The following GAA variants were observed in gnomAD, a reference collection of about 807,000 sequenced individuals.
The protein encoded by GAA is lysosomal alpha-glucosidase.
Under a neutral mutation model 103.9 loss-of-function variants are expected in GAA, and 88 were observed. The ratio of observed to expected loss-of-function variants is 0.85; its 90% CI spans 0.71 to 1.01. The LOEUF (loss-of-function observed/expected upper bound fraction) is 1.01. Ranked by LOEUF, GAA falls within the 50% of genes least tolerant of loss-of-function variation. The pLI, the probability that GAA is intolerant of heterozygous loss-of-function variation, is 0.00. For missense variants in GAA, 1,350 were observed against 1,305.3 expected (o/e 1.03, Z -0.53); for synonymous variants, 572 against 563.1 (o/e 1.02, Z -0.22).
rs548314048 is a variant in GAA at position 80,119,665 on chromosome 17, G to A, written c.*334G>A. 1.0e-4 allele frequency: 38 copies of A among 365,858 alleles called. No homozygotes were observed. Among genetic ancestry groups the A allele is most frequent in the East Asian group, 4.0e-4 (6 of 14,858 alleles). The allele number at this position is 365,858 out of a possible 1,614,324, so 22.7% of individuals were successfully genotyped here. On this transcript the variant is annotated 3_prime_UTR_variant, in exon 20 of 20. Transcript: ENST00000302262. ...CCCCCCTCCATCTGTTCCCAGCACC[G>A]GAGAAGGGGGTGCTCAGGTGGAGGT... is the stretch of plus-strand genomic sequence containing the variant.
chr17:80,108,327 G>T lies in GAA; in HGVS notation c.993G>T (p.Arg331Ser). ...VLQPSPALSW[R>S]STGGILDVYI... is the part of the protein sequence containing the mutation. ...AGCCGAGCCCTGCCCTTAGCTGGAG[G>T]TCGACAGGTGGGATCCTGGATGTCT... The change falls in exon 6 of 20, where the codon AGG (arginine) becomes AGT (serine). Residue 331 changes from arginine to serine, a missense_variant. Physicochemically the swap from Arg to Ser is moderately radical, Grantham distance 110. Transcript: ENST00000302262. 1 of 1,613,706 alleles carries T rather than the reference G, an allele frequency of 6.2e-7. No individual in the cohort carries two copies. The highest frequency in any genetic ancestry group is 8.5e-7 in the Non-Finnish European group (1 of 1,180,032).
intron 2 of GAA, 117 bp from the exon 3 acceptor site, chr17:80,105,632 C>G: frequency 8.1e-7 from 1 of 1,236,268 alleles, no homozygotes; most frequent in Non-Finnish European, 1.2e-6. Flanking sequence ...ATGTGCTGCC[C>G]ATGGTCCCAC....
intron 15 of GAA, among the ~76,000 whole-genome samples, chr17:80,116,103 T>G (rs529140124): frequency 3.3e-5 from 5 of 152,350 alleles, no homozygotes; most frequent in Admixed American, 1.3e-4. Flanking sequence ...TACTCCACCA[T>G]CTTCACTGAC....
Position 80,110,070 on chromosome 17 carries a change from CA to C in GAA, c.1437+16del, listed in dbSNP as rs2039196210. 6.2e-7 allele frequency: 1 copy of C among 1,603,756 alleles called. No homozygotes were observed. The highest frequency in any genetic ancestry group is 2.2e-5 in the East Asian group (1 of 44,824). On this transcript the variant is annotated intron_variant, in intron 9 of 19. Coordinates refer to ENST00000302262, the MANE Select transcript of GAA (RefSeq NM_000152.5). ...TGATTGGGAAGGTAGGGCGAGGGTC[CA>C]GGGGACGGGGGTTAGAAAGCAGAGG...
At position 80,111,012 on chromosome 17, in the gene GAA, AC is replaced by A. The variant is rs2039224932; in HGVS notation, c.1626del (p.Tyr543ThrfsTer35). 2.5e-6 allele frequency: 4 copies of A among 1,613,518 alleles called. No individual in the cohort carries two copies. Among genetic ancestry groups the A allele is most frequent in the Non-Finnish European group, 2.5e-6 (3 of 1,179,932 alleles). On this transcript the variant is annotated frameshift_variant, in exon 11 of 20. Coordinates refer to ENST00000302262, the MANE Select transcript of GAA (RefSeq NM_000152.5). LOFTEE classifies it high-confidence loss of function. Reference sequence around the variant, plus strand: ...GCCCCAACAATGAGCTGGAGAACCCACCCTACGTGCCTGGTCAGCTCGCCCC... The same window carrying A: ...GCCCCAACAATGAGCTGGAGAACCCACCTACGTGCCTGGTCAGCTCGCCCC... ...GCPNNELENP[P>X]YVPGVVGGTL...
chr17:80,103,490 A>T (rs755889151), intron 1 of GAA, among the ~76,000 whole-genome samples: 12 of 152,134 alleles, frequency 7.9e-5, no homozygotes, highest in Non-Finnish European at 1.5e-4. Flanking sequence ...ATCCATGCAT[A>T]TTGAATCGCA....
At position 80,110,744 on chromosome 17, in the gene GAA, T is replaced by C. The variant is rs774037839; in HGVS notation, c.1455T>C (p.Thr485=). The change falls in exon 10 of 20, where the codon ACT becomes ACC. Residue 485 remains threonine (T), a synonymous_variant. Transcript: ENST00000302262. ...PLIGKVWPGS[T]AFPDFTNPTA... ...TTGTCCAGGTATGGCCCGGGTCCAC[T>C]GCCTTCCCCGACTTCACCAACCCCA... 6.2e-7 allele frequency: 1 copy of C among 1,614,014 alleles called. No homozygotes were observed. The highest frequency in any genetic ancestry group is 8.5e-7 in the Non-Finnish European group (1 of 1,179,998).
chr17:80,105,213 G>T, intron 2 of GAA, 81 bp downstream of exon 2: 1 of 1,344,666 alleles, frequency 7.4e-7, no homozygotes. Context: ...CACAAGGGTG[G>T]GGTGCATGTT....
At chr17:80,118,525 C>T (rs2039410652) in intron 18 of GAA, 128 bp from the exon 19 acceptor site, 4 of 1,381,274 alleles carry the variant, frequency 2.9e-6, no homozygotes, top group East Asian at 2.3e-5. Context: ...TCTGCCCTTT[C>T]GTGTACACAG....
At chr17:80,113,588 G>A (rs1219073383) in intron 15 of GAA, among the ~76,000 whole-genome samples, 1 of 152,224 alleles carries the variant, frequency 6.6e-6, no homozygotes, top group African/African-American at 2.4e-5. Flanking sequence ...CCTAACAACA[G>A]CCCTGCACAT....
chr17:80,111,462 C>G (rs1307300407), intron 11 of GAA, among the ~76,000 whole-genome samples: 1 of 152,332 alleles, frequency 6.6e-6, no homozygotes, highest in African/African-American at 2.4e-5. Flanking sequence ...TCTGGCTGAA[C>G]TGACCCAGCA....
rs370414054 is a variant in GAA at position 80,108,474 on chromosome 17, G to C, written c.1076-15G>C. 4.8e-5 allele frequency: 77 copies of C among 1,613,050 alleles called. No homozygotes were observed. The highest frequency in any genetic ancestry group is 4.3e-4 in the Admixed American group (26 of 60,004). Reference sequence around the variant, plus strand: ...TCCCTCCTCCCTCCCTCATGAAGTCGGCGTTGGCCTGCAGGATACCCGTTC... The same window carrying C: ...TCCCTCCTCCCTCCCTCATGAAGTCCGCGTTGGCCTGCAGGATACCCGTTC... On this transcript the variant is annotated splice_polypyrimidine_tract_variant and intron_variant, in intron 6 of 19. Transcript: ENST00000302262.
In GAA at chr17:80,119,501, C is replaced by T. The variant is rs2039436494; in HGVS notation, c.*170C>T. The T allele has an allele frequency of 7.4e-6, 5 of 674,124 alleles. No homozygotes were observed. The highest frequency in any genetic ancestry group is 1.3e-5 in the Non-Finnish European group (5 of 370,622). 41.8% of individuals were successfully genotyped at this position (674,124 alleles called of 1,614,324 possible). On this transcript the variant is annotated 3_prime_UTR_variant, in exon 20 of 20. Coordinates refer to ENST00000302262, the MANE Select transcript of GAA (RefSeq NM_000152.5). ...CTTGTTTCCACCTCCTGGGCCGGGG[C>T]TCTGGCCCCCAACGTGTCTAGGAGA... is the stretch of plus-strand genomic sequence containing the variant.
In GAA at chr17:80,118,738, C is replaced by T. The variant is rs1027032995; in HGVS notation, c.2732C>T (p.Thr911Met). The stretch of plus-strand genomic sequence containing the variant: ...AAGGTGACTGTCCTGGGCGTGGCCA[C>T]GGCGCCCCAGCAGGTCCTCTCCAAC... ...LQKVTVLGVA[T>M]APQQVLSNGV... The change falls in exon 19 of 20, where the codon ACG becomes ATG. Residue 911 changes from threonine to methionine, a missense_variant. Thr to Met is a moderately conservative substitution (Grantham distance 81, BLOSUM62 -1). Coordinates refer to ENST00000302262, the MANE Select transcript of GAA (RefSeq NM_000152.5). The T allele has an allele frequency of 7.4e-6, 12 of 1,613,370 alleles. No homozygotes were observed. The highest frequency in any genetic ancestry group is 3.3e-4 in the Middle Eastern group (2 of 6,062).
intron 17 of GAA, 128 bp downstream of exon 17, chr17:80,117,877 A>AT (rs1567839926): frequency 1.0e-6 from 1 of 1,001,464 alleles, no homozygotes; most frequent in East Asian, 2.6e-5. Context: ...AGTGTAGGTT[A>AT]TCAAGGAGCC....
Position 80,112,116 on chromosome 17 carries a change from CGCCCCACTGGGCTCT to C in GAA, c.1754+21_1754+35del. The C allele has an allele frequency of 6.2e-7, 1 of 1,601,954 alleles. No individual in the cohort carries two copies. The highest frequency in any genetic ancestry group is 1.3e-5 in the African/African-American group (1 of 74,866). Reference sequence around the variant, plus strand: ...CCTCCCACAGGTGAGGGCCACGTCCCGCCCCACTGGGCTCTGCCCTCACAGCCTGTCCTACAAGGT... The same window carrying C: ...CCTCCCACAGGTGAGGGCCACGTCCCGCCCTCACAGCCTGTCCTACAAGGT... On this transcript the variant is annotated intron_variant, in intron 12 of 19. Transcript: ENST00000302262.
At position 80,117,737 on chromosome 17, in the gene GAA, C is replaced by A; in HGVS notation, c.2469C>A (p.Ile823=). ...ACGTCCACCTCCGGGCTGGGTACAT[C>A]ATCCCCCTGCAGGTACCTGGGCCAG... ...TINVHLRAGY[I]IPLQGPGLTT... is the part of the protein sequence containing the mutation. The change falls in exon 17 of 20, where the codon ATC becomes ATA. Residue 823 remains isoleucine (I), a synonymous_variant. Coordinates refer to ENST00000302262, the MANE Select transcript of GAA (RefSeq NM_000152.5). The A allele has an allele frequency of 6.2e-7, 1 of 1,609,664 alleles. No homozygotes were observed. Among genetic ancestry groups the A allele is most frequent in the Non-Finnish European group, 8.5e-7 (1 of 1,178,940 alleles).
At chr17:80,103,510 C>T (rs183914223) in intron 1 of GAA, among the ~76,000 whole-genome samples, 20 of 152,278 alleles carry the variant, frequency 1.3e-4, no homozygotes, top group Middle Eastern at 3.4e-3. Flanking sequence ...ATGTGGGTTC[C>T]GGCTGCTCCT....
intron 12 of GAA, 119 bp from the exon 13 acceptor site, chr17:80,112,459 C>G: frequency 1.5e-6 from 2 of 1,307,718 alleles, no homozygotes. Flanking sequence ...TCGCCGTCCT[C>G]CTCCCCAGCC....
Sources: allele counts gnomAD v4.1 joint callset (sites outside exome capture counted in the v4.1 genomes callset), GRCh38; gene constraint gnomAD v4.1.1; transcripts MANE v1.5; gene names NCBI Gene and HGNC (gene_info 2026-07-23, HGNC 2026-07-21).